The following HSPH1 variants were observed in gnomAD, a reference collection of about 807,000 sequenced individuals.
HSPH1 encodes the protein heat shock protein family H (Hsp110) member 1, also known as heat shock protein 105 kDa.
In HSPH1, 40 loss-of-function variants were observed where a neutral mutation model predicts 100.0. The ratio of observed to expected loss-of-function variants is 0.40; its 90% CI spans 0.31 to 0.52. The LOEUF (loss-of-function observed/expected upper bound fraction) is 0.52, where lower values mean the gene tolerates loss of function less well. HSPH1 is among the 20% of genes least tolerant of loss of function. The probability of loss-of-function intolerance (pLI) is 0.54; values close to 1 mark genes in which losing one functional copy is unlikely to be tolerated. For synonymous variants in HSPH1, 403 were observed against 344.0 expected (o/e 1.17, Z -1.90); for missense variants, 876 against 1,015.1 (o/e 0.86, Z 1.86).
chr13:31,146,269 T>C (rs7981638), intron 10 of HSPH1, among the ~76,000 whole-genome samples: 4,122 of 152,328 alleles, frequency 0.027, 198 homozygotes, highest in African/African-American at 0.094. Context: ...CTCTAATATA[T>C]ACTATAACTA....
chr13:31,140,455 C>G, intron 13 of HSPH1, 146 bp from the exon 14 acceptor site: 2 of 545,044 alleles, frequency 3.7e-6, no homozygotes, highest in Non-Finnish European at 5.9e-6. Flanking sequence ...TCAAACTCTT[C>G]CTACAAACCA....
chr13:31,151,287 G>A (rs912751806), intron 6 of HSPH1, 96 bp from the exon 7 acceptor site: 38 of 952,622 alleles, frequency 4.0e-5, no homozygotes, highest in Non-Finnish European at 5.3e-5. Context: ...AAGACTAAGA[G>A]ACTCAAGACT....
At chr13:31,138,289 G>GT in intron 17 of HSPH1, 118 bp downstream of exon 17, 2 of 913,170 alleles carry the variant, frequency 2.2e-6, no homozygotes, top group South Asian at 1.5e-5. Context: ...AGAAAAGCTG[G>GT]TTTCAGTTAG....
At chr13:31,143,643 G>A in intron 12 of HSPH1, 149 bp downstream of exon 12, 1 of 689,320 alleles carries the variant, frequency 1.5e-6, no homozygotes, top group Non-Finnish European at 2.2e-6. Flanking sequence ...ACTGGTTTTA[G>A]TTGAAAAATA....
intron 2 of HSPH1, 128 bp from the exon 3 acceptor site, chr13:31,155,782 G>T: frequency 1.7e-6 from 1 of 585,312 alleles, no homozygotes; most frequent in Non-Finnish European, 2.8e-6. Context: ...TTGCCCTGAG[G>T]CCCACCAATT....
chr13:31,151,006 GTCTGTGCTGTTAGAGC>G lies in HSPH1; in HGVS notation c.833_848del (p.Ser278ThrfsTer4). 1 of 1,613,452 alleles carries G rather than the reference GTCTGTGCTGTTAGAGC, an allele frequency of 6.2e-7. No homozygotes were observed. The highest frequency in any genetic ancestry group is 8.5e-7 in the Non-Finnish European group (1 of 1,179,522). ...TAAAGCATTCGATATTCAGTGGAAGGTCTGTGCTGTTAGAGCTCATTAGCTTTTTCAGTTTTTCACA... is the reference window on the plus strand; with the variant it reads ...TAAAGCATTCGATATTCAGTGGAAGGTCATTAGCTTTTTCAGTTTTTCACA... On this transcript the variant is annotated frameshift_variant, in exon 7 of 18. Transcript: ENST00000320027. LOFTEE classifies it high-confidence loss of function.
At position 31,151,097 on chromosome 13, in the gene HSPH1, T is replaced by C; in HGVS notation, c.758A>G (p.Lys253Arg). The change falls in exon 7 of 18, where the codon AAG (lysine) becomes AGG (arginine). Residue 253 changes from lysine to arginine, a missense_variant. Coordinates refer to ENST00000320027, the MANE Select transcript of HSPH1 (RefSeq NM_006644.4). ...TCGTATTTTGGATTTTGCATCCAACTTGTACTTAGTTTTAAATTCTGCACA... is the reference window on the plus strand; with the variant it reads ...TCGTATTTTGGATTTTGCATCCAACCTGTACTTAGTTTTAAATTCTGCACA... The part of the protein sequence containing the change: ...HFCAEFKTKY[K>R]LDAKSKIRAL... 3.1e-6 allele frequency: 5 copies of C among 1,613,768 alleles called. No individual in the cohort carries two copies. Among genetic ancestry groups the C allele is most frequent in the South Asian group, 1.1e-5 (1 of 91,068 alleles).
chr13:31,160,429 T>C (rs2137669083), intron 1 of HSPH1, among the ~76,000 whole-genome samples: 1 of 152,354 alleles, frequency 6.6e-6, no homozygotes, highest in African/African-American at 2.4e-5. Context: ...CAGTCATTCA[T>C]TCTACCTTTA....
intron 12 of HSPH1, among the ~76,000 whole-genome samples, chr13:31,143,450 A>C (rs774485877): frequency 5.9e-5 from 9 of 152,162 alleles, no homozygotes; most frequent in Non-Finnish European, 1.0e-4. Flanking sequence ...AGTGAAAACT[A>C]ATCATGTAGC....
rs753103554 is a variant in HSPH1, at chr13:31,145,705, T to C, written c.1442A>G (p.Lys481Arg). The change falls in exon 11 of 18, where the codon AAA becomes AGA. Residue 481 changes from lysine to arginine, a missense_variant. Physicochemically the swap from Lys to Arg is conservative, Grantham distance 26. Coordinates refer to ENST00000320027, the MANE Select transcript of HSPH1 (RefSeq NM_006644.4). ...KDGEKSRVKV[K>R]VRVNTHGIFT... ...AATGCCATGGGTGTTGACTCGCACT[T>C]TGACTTTTACTCTAGATTTTTCTCC... The C allele has an allele frequency of 4.3e-6, 7 of 1,613,590 alleles. No homozygotes were observed. The Admixed American group carries it at 1.0e-4, about 23-fold the overall frequency.
rs111987261 is a variant in HSPH1 at position 31,160,809 on chromosome 13, C to G, written c.107+667G>C. 2.8e-3 allele frequency among the ~76,000 whole-genome samples: 422 copies of G among 152,248 alleles called. 2 individuals carry two copies. The highest frequency in any genetic ancestry group is 9.5e-3 in the African/African-American group (394 of 41,540). On this transcript the variant is annotated intron_variant, in intron 1 of 17. Transcript: ENST00000320027. The stretch of plus-strand genomic sequence containing the variant: ...CAAAAAAAAAGACGTTTACATCTTT[C>G]GACAATGATCCCGGGCATTAAGGCC...
At position 31,151,101 on chromosome 13, in the gene HSPH1, A is replaced by G. The variant is rs146520007; in HGVS notation, c.754T>C (p.Tyr252His). 6.5e-4 allele frequency: 1,054 copies of G among 1,613,592 alleles called. 1 individual carries two copies. Among genetic ancestry groups the G allele is most frequent in the Non-Finnish European group, 8.3e-4 (975 of 1,179,774 alleles). The change falls in exon 7 of 18, where the codon TAC becomes CAC. Residue 252 changes from tyrosine to histidine, a missense_variant. Transcript: ENST00000320027. ...ATTTTGGATTTTGCATCCAACTTGT[A>G]CTTAGTTTTAAATTCTGCACAAAAA... ...EHFCAEFKTK[Y>H]KLDAKSKIRA...
intron 2 of HSPH1, among the ~76,000 whole-genome samples, chr13:31,156,046 T>A (rs1223230439): frequency 6.6e-6 from 1 of 152,218 alleles, no homozygotes; most frequent in Non-Finnish European, 1.5e-5. Flanking sequence ...TTATACCCAA[T>A]GAATGAATAG....
At chr13:31,146,894 T>A (rs1956282050) in intron 10 of HSPH1, among the ~76,000 whole-genome samples, 1 of 152,196 alleles carries the variant, frequency 6.6e-6, no homozygotes, top group African/African-American at 2.4e-5. Flanking sequence ...GGAATTTAAC[T>A]GCCTAGTATT....
chr13:31,146,313 C>G (rs1293285032), intron 10 of HSPH1, among the ~76,000 whole-genome samples: 1 of 152,106 alleles, frequency 6.6e-6, no homozygotes, highest in Non-Finnish European at 1.5e-5. Context: ...TGAAATTAAT[C>G]TTAGCATGCC....
Position 31,138,559 on chromosome 13 carries a change from A to G in HSPH1, c.2218T>C (p.Tyr740His). 6.2e-7 allele frequency: 1 copy of G among 1,608,104 alleles called. No homozygotes were observed. The highest frequency in any genetic ancestry group is 8.5e-7 in the Non-Finnish European group (1 of 1,177,598). Residue 740 changes from tyrosine to histidine, a missense_variant, in exon 17 of 18, where the codon TAC (tyrosine) becomes CAC (histidine). By Grantham distance (83) the Tyr-to-His change is moderately conservative. Transcript: ENST00000320027. ...AADFRNKDEK[Y>H]NHIDESEMKK... ...ATTTCAGACTCATCAATATGGTTGT[A>G]TTTCTCATCCTGAACAAAAATAACA...
chr13:31,141,797 TACATACAC>T (rs1451497892), intron 12 of HSPH1, among the ~76,000 whole-genome samples: 11,993 of 124,192 alleles, frequency 0.097, 635 homozygotes, highest in Middle Eastern at 0.17. Context: ...TCCATACACA[TACATACAC>T]ACACACACAC....
chr13:31,143,942 C>A lies in HSPH1; in HGVS notation c.1585-19G>T, dbSNP rs1414442803. 1.9e-6 allele frequency: 3 copies of A among 1,570,182 alleles called. No individual in the cohort carries two copies. Among genetic ancestry groups the A allele is most frequent in the East Asian group, 2.3e-5 (1 of 42,736 alleles). ...CATTTTTCTGAAATGAAAGCCCAGG[C>A]ACAAAGGATGTAGAAAGCAGGTGTA... On this transcript the variant is annotated intron_variant, in intron 11 of 17. Transcript: ENST00000320027.
chr13:31,153,029 T>A (rs1566011182), intron 4 of HSPH1, 78 bp from the exon 5 acceptor site: 2 of 993,234 alleles, frequency 2.0e-6, no homozygotes, highest in Non-Finnish European at 3.1e-6. Context: ...ACTTATAAAT[T>A]CACAACAGTC....
Sources: gnomAD v4.1 joint callset for allele counts (sites outside exome capture counted in the v4.1 genomes callset) on GRCh38, gnomAD v4.1.1 for gene constraint, MANE v1.5 for transcripts, NCBI Gene and HGNC (gene_info 2026-07-23, HGNC 2026-07-21) for gene names.